The following NT5C1B variants were observed in gnomAD, a reference collection of about 807,000 sequenced individuals.
NT5C1B encodes the protein cytosolic 5'-nucleotidase 1B.
NT5C1B carries 44 observed loss-of-function variants against 57.8 expected under a neutral mutation model. That is an observed-to-expected ratio of 0.76 (90% CI 0.60 to 0.98). The LOEUF (loss-of-function observed/expected upper bound fraction) is 0.98, where lower values mean the gene tolerates loss of function less well. Ranked by LOEUF, NT5C1B falls within the 50% of genes least tolerant of loss-of-function variation. NT5C1B has a pLI of 0.00. For synonymous variants in NT5C1B, 284 were observed against 282.6 expected, an observed-to-expected ratio of 1.00 and a Z score of -0.05; for missense variants, 742 against 719.5, an observed-to-expected ratio of 1.03 and a Z score of -0.36.
At chr2:18,574,964 T>C (rs1212790514) in intron 8 of NT5C1B, among the ~76,000 whole-genome samples, 1 of 151,886 alleles carries the variant, frequency 6.6e-6, no homozygotes, top group East Asian at 1.9e-4. Flanking sequence ...TTTTAAAAAT[T>C]AAATATAACT....
chr2:18,586,761 AT>A, intron 2 of NT5C1B: 1 of 702,724 alleles, frequency 1.4e-6, no homozygotes, highest in Non-Finnish European at 2.3e-6. Context: ...TATATCCACC[AT>A]TTTTTACCAG....
intron 6 of NT5C1B, among the ~76,000 whole-genome samples, chr2:18,579,238 C>A (rs1665968099): frequency 6.6e-6 from 1 of 152,152 alleles, no homozygotes; most frequent in African/African-American, 2.4e-5. Flanking sequence ...AGATTCAATG[C>A]TATTCCTATC....
rs1026476010 is a variant in NT5C1B, at chr2:18,575,102, G to A, written c.1329+1082C>T. Among the ~76,000 whole-genome samples the A allele has an allele frequency of 2.6e-5, 4 of 152,142 alleles. No individual in the cohort carries two copies. The East Asian group carries it at 7.7e-4, about 29-fold the overall frequency. On this transcript the variant is annotated intron_variant, in intron 8 of 8. Transcript: ENST00000304081. ...ACTTTAACATTTGTCTGGAAGTAATGCTTTCTTTGAAGTGTTTTTGTTTAA... is the reference window on the plus strand; with the variant it reads ...ACTTTAACATTTGTCTGGAAGTAATACTTTCTTTGAAGTGTTTTTGTTTAA...
intron 6 of NT5C1B, 139 bp downstream of exon 6, chr2:18,582,729 C>G (rs1666286648): frequency 7.6e-7 from 1 of 1,310,680 alleles, no homozygotes; most frequent in African/African-American, 1.5e-5. Flanking sequence ...CTGACATAGG[C>G]AAATAAACAT....
chr2:18,583,806 A>C (rs1666398943), intron 5 of NT5C1B: 7 of 611,700 alleles, frequency 1.1e-5, no homozygotes, highest in Admixed American at 1.1e-4. Flanking sequence ...GCTTCTTAGC[A>C]CTCCTTCGAG....
At chr2:18,564,293 G>A (rs764713452) in intron 8 of NT5C1B, among the ~76,000 whole-genome samples, 174 bp from the exon 9 acceptor site, 2 of 152,186 alleles carry the variant, frequency 1.3e-5, no homozygotes, top group Non-Finnish European at 2.9e-5. Context: ...ATGTGAATAT[G>A]TTTTCTGATA....
intron 8 of NT5C1B, among the ~76,000 whole-genome samples, chr2:18,571,718 G>GTGTATATATA (rs1246189018): frequency 7.2e-5 from 8 of 111,464 alleles, no homozygotes; most frequent in East Asian, 6.9e-4. Context: ...CTGTGTGTGT[G>GTGTATATATA]TATATATATA....
chr2:18,564,923 T>C (rs1167028313), intron 8 of NT5C1B, among the ~76,000 whole-genome samples: 2 of 152,172 alleles, frequency 1.3e-5, no homozygotes, highest in Non-Finnish European at 2.9e-5. Flanking sequence ...CCTTTTATAG[T>C]ACCCTCAGTC....
chr2:18,583,777 G>C lies in NT5C1B; in HGVS notation c.891+311C>G, dbSNP rs1666395518. ...TATGGCGTTTTATTTCTACTACTCA[G>C]GATCATAAACTCATTATGGCTTCTT... On this transcript the variant is annotated intron_variant, in intron 5 of 8. Transcript: ENST00000304081. 5.5e-6 allele frequency: 3 copies of C among 547,276 alleles called. No individual in the cohort carries two copies. In the Middle Eastern group the frequency reaches 1.6e-3, roughly 291 times the overall value. The allele number at this position is 547,276 out of a possible 1,614,324, so 33.9% of individuals were successfully genotyped here.
chr2:18,585,200 C>T (rs772149272), intron 3 of NT5C1B: 3 of 779,858 alleles, frequency 3.8e-6, no homozygotes, highest in African/African-American at 3.4e-5. Context: ...CCCCTAGCTT[C>T]CCCATAAGCA....
At chr2:18,572,635 T>G (rs1262867504) in intron 8 of NT5C1B, among the ~76,000 whole-genome samples, 1 of 152,150 alleles carries the variant, frequency 6.6e-6, no homozygotes, top group African/African-American at 2.4e-5. Context: ...GGAAAATATT[T>G]GAACAGGTAC....
exon 9 of NT5C1B, chr2:18,563,924 G>C (rs1342485020): frequency 1.2e-5 from 19 of 1,614,156 alleles, no homozygotes; most frequent in Non-Finnish European, 1.6e-5. Flanking sequence ...GGACTTTTGG[G>C]GGCTCCAGCA....
chr2:18,566,600 A>G (rs1003344918), intron 8 of NT5C1B, among the ~76,000 whole-genome samples: 5 of 152,224 alleles, frequency 3.3e-5, no homozygotes, highest in Non-Finnish European at 7.3e-5. Context: ...TGATTTCCAA[A>G]TGGAAGAAAC....
rs868017468 is a variant in NT5C1B at position 18,584,099 on chromosome 2, G to C, written c.880C>G (p.Arg294Gly). The C allele has an allele frequency of 6.2e-7, 1 of 1,614,154 alleles. No individual in the cohort carries two copies. Among genetic ancestry groups the C allele is most frequent in the Non-Finnish European group, 8.5e-7 (1 of 1,180,032 alleles). ...AGCTTGCAGAATACCTTGACGAAGCGGAACGCCGGGCCCGGGGTCAGGATG... is the reference window on the plus strand; with the variant it reads ...AGCTTGCAGAATACCTTGACGAAGCCGAACGCCGGGCCCGGGGTCAGGATG... Residue 294 changes from arginine (R) to glycine (G), a missense_variant, in exon 5 of 9, where the codon CGC becomes GGC. Arg to Gly is a moderately radical substitution (Grantham distance 125). Coordinates refer to ENST00000304081, the Ensembl canonical transcript of NT5C1B. The surrounding 1 kb of genome is among the most constrained non-coding windows in gnomAD (Gnocchi z 5.8).
intron 8 of NT5C1B, among the ~76,000 whole-genome samples, chr2:18,572,775 A>T (rs1395194484): frequency 6.6e-6 from 1 of 152,192 alleles, no homozygotes; most frequent in Non-Finnish European, 1.5e-5. Flanking sequence ...TTAAAGAAAG[A>T]AAGAAAAGAA....
exon 8 of NT5C1B, chr2:18,576,368 C>A (rs1369984701): frequency 1.9e-6 from 3 of 1,610,652 alleles, no homozygotes; most frequent in Non-Finnish European, 1.7e-6. Context: ...AGAGGCAATA[C>A]CTGATAGATC....
intron 5 of NT5C1B, 129 bp downstream of exon 5, chr2:18,583,959 A>G: frequency 6.5e-7 from 1 of 1,532,634 alleles, no homozygotes; most frequent in Admixed American, 1.7e-5. Flanking sequence ...TGGGTCAGCT[A>G]GAAGGAGACA....
At chr2:18,580,319 A>G (rs1330659323) in intron 6 of NT5C1B, among the ~76,000 whole-genome samples, 1 of 152,202 alleles carries the variant, frequency 6.6e-6, no homozygotes, top group Non-Finnish European at 1.5e-5. Context: ...TTCTACCATA[A>G]GAATATATGC....
At chr2:18,575,948 G>C (rs1665628723) in intron 8 of NT5C1B, among the ~76,000 whole-genome samples, 1 of 152,104 alleles carries the variant, frequency 6.6e-6, no homozygotes, top group Non-Finnish European at 1.5e-5. Flanking sequence ...GATCATGCAA[G>C]TATTTCCAAA....
Sources: allele counts gnomAD v4.1 joint callset (sites outside exome capture counted in the v4.1 genomes callset), GRCh38; gene constraint gnomAD v4.1.1; non-coding constraint Gnocchi (gnomAD v3.1); transcripts MANE v1.5; gene names NCBI Gene and HGNC (gene_info 2026-07-23, HGNC 2026-07-21).